NKAIN3: variants seen among roughly 807,000 people sequenced by gnomAD.
NKAIN3 encodes the protein sodium/potassium-transporting ATPase subunit beta-1-interacting protein 3.
In NKAIN3, 25 loss-of-function variants were observed where a neutral mutation model predicts 30.2. The observed-to-expected ratio is 0.83, with a 90% CI of 0.60 to 1.16. The LOEUF is 1.16. NKAIN3 is among the 50% of genes most tolerant of loss of function. NKAIN3 has a pLI of 0.00. For missense variants in NKAIN3, 225 were observed against 254.1 expected, an observed-to-expected ratio of 0.89 and a Z score of 0.78; for synonymous variants, 91 against 89.6, an observed-to-expected ratio of 1.02 and a Z score of -0.09.
intron 4 of NKAIN3, among the ~76,000 whole-genome samples, chr8:62,794,344 C>T (rs549815894): frequency 1.3e-5 from 2 of 152,120 alleles, no homozygotes; most frequent in South Asian, 4.1e-4. Context: ...CTTCCTATGT[C>T]GTGTATAAGT....
chr8:62,507,036 A>T (rs1270328771), intron 1 of NKAIN3, among the ~76,000 whole-genome samples: 1 of 152,198 alleles, frequency 6.6e-6, no homozygotes, highest in African/African-American at 2.4e-5. Flanking sequence ...GTTTATTGCT[A>T]ATGTAAAATG....
At position 62,982,291 on chromosome 8, in the gene NKAIN3, A is replaced by T. The variant is rs1476620095; in HGVS notation, c.*16884A>T. On this transcript the variant is annotated 3_prime_UTR_variant, in exon 7 of 7. Coordinates refer to ENST00000623646, the MANE Select transcript of NKAIN3 (RefSeq NM_001304533.3). ...AATTATTGACTTCTACTTAAATAAG[A>T]TCTTATTTTCATCTGCTGGAAAACT... 6.6e-6 allele frequency: 1 copy of T among 152,164 alleles called. No homozygotes were observed. Among genetic ancestry groups the T allele is most frequent in the African/African-American group, 2.4e-5 (1 of 41,432 alleles). The allele number at this position is 152,164 out of a possible 1,614,324, so 9.4% of individuals were successfully genotyped here.
At chr8:62,293,541 GC>G (rs1458942347) in intron 1 of NKAIN3, among the ~76,000 whole-genome samples, 11 of 152,178 alleles carry the variant, frequency 7.2e-5, no homozygotes, top group African/African-American at 2.7e-4. Flanking sequence ...AGCGGAGGCT[GC>G]AGAACAGCAA....
chr8:62,304,217 T>C (rs1385103891), intron 1 of NKAIN3, among the ~76,000 whole-genome samples: 4 of 150,522 alleles, frequency 2.7e-5, no homozygotes, highest in African/African-American at 1.0e-4. Flanking sequence ...GGAAGAGAAC[T>C]GGTGCAAGAA....
chr8:62,862,786 A>T (rs963421976), intron 4 of NKAIN3, among the ~76,000 whole-genome samples: 5 of 152,240 alleles, frequency 3.3e-5, no homozygotes, highest in African/African-American at 1.2e-4. Context: ...GAAAAAGATA[A>T]GAATATTCCA....
At chr8:62,278,947 T>C (rs962280549) in intron 1 of NKAIN3, among the ~76,000 whole-genome samples, 7 of 152,210 alleles carry the variant, frequency 4.6e-5, no homozygotes, top group Non-Finnish European at 7.3e-5. Flanking sequence ...CCTTAAGGAA[T>C]CACCACACTG....
chr8:62,253,921 T>C (rs1812187655), intron 1 of NKAIN3, among the ~76,000 whole-genome samples: 1 of 152,220 alleles, frequency 6.6e-6, no homozygotes, highest in African/African-American at 2.4e-5. Context: ...TCTTTTCTTC[T>C]CCTCTGCACT....
At chr8:62,561,443 T>A (rs535917046) in intron 1 of NKAIN3, among the ~76,000 whole-genome samples, 4 of 152,192 alleles carry the variant, frequency 2.6e-5, no homozygotes, top group Non-Finnish European at 5.9e-5. Flanking sequence ...TAAAAATCCA[T>A]GAATGAGGCA....
intron 1 of NKAIN3, among the ~76,000 whole-genome samples, chr8:62,255,570 A>T (rs1732411709): frequency 6.6e-6 from 1 of 152,198 alleles, no homozygotes; most frequent in Admixed American, 6.5e-5. Flanking sequence ...ACAGAAAGAG[A>T]GCTAGTCTGG....
intron 1 of NKAIN3, among the ~76,000 whole-genome samples, chr8:62,480,362 A>G (rs956705530): frequency 3.3e-5 from 5 of 152,148 alleles, no homozygotes; most frequent in Admixed American, 1.3e-4. Flanking sequence ...TCAGAACATC[A>G]TATTTTATAT....
At chr8:62,907,434 G>A (rs4737617) in intron 4 of NKAIN3, among the ~76,000 whole-genome samples, 103,320 of 152,164 alleles carry the variant, frequency 0.68, 36,023 homozygotes, top group East Asian at 0.9. Flanking sequence ...GCTGGCTGCA[G>A]AAATTTGTAT....
chr8:62,574,857 A>G (rs1810060138), intron 1 of NKAIN3, among the ~76,000 whole-genome samples: 1 of 152,070 alleles, frequency 6.6e-6, no homozygotes, highest in Admixed American at 6.6e-5. Context: ...TTCAAGAAGT[A>G]ACTCAAAAAC....
chr8:62,275,697 A>G (rs1012855248), intron 1 of NKAIN3, among the ~76,000 whole-genome samples: 5 of 152,244 alleles, frequency 3.3e-5, no homozygotes, highest in African/African-American at 1.2e-4. Context: ...GTTTAGTGCA[A>G]TGAATCACAT....
At chr8:62,557,380 C>T (rs979116330) in intron 1 of NKAIN3, among the ~76,000 whole-genome samples, 6 of 152,026 alleles carry the variant, frequency 3.9e-5, no homozygotes, top group African/African-American at 1.4e-4. Flanking sequence ...GTACAAGTAT[C>T]TTTTTCATAT....
chr8:62,629,737 C>A (rs772199336), intron 3 of NKAIN3, among the ~76,000 whole-genome samples: 2 of 152,010 alleles, frequency 1.3e-5, no homozygotes, highest in Admixed American at 1.3e-4. Context: ...CTATGATGAA[C>A]CCAGGAATTT....
chr8:62,883,702 T>C (rs1297717300), intron 4 of NKAIN3, among the ~76,000 whole-genome samples: 3 of 151,918 alleles, frequency 2.0e-5, no homozygotes, highest in Admixed American at 1.3e-4. Context: ...TTTGTAGATG[T>C]TTTTTGCCAA....
intron 5 of NKAIN3, among the ~76,000 whole-genome samples, chr8:62,946,443 G>A (rs932443734): frequency 6.6e-5 from 10 of 152,134 alleles, no homozygotes; most frequent in Admixed American, 4.6e-4. Context: ...TGACACTGCA[G>A]AGTAGCTCAT....
intron 3 of NKAIN3, among the ~76,000 whole-genome samples, chr8:62,632,830 G>C (rs985733502): frequency 6.6e-6 from 1 of 152,076 alleles, no homozygotes; most frequent in African/African-American, 2.4e-5. Context: ...GTTCCTGAAG[G>C]ATCATGCTTC....
rs1309496678 is a variant in NKAIN3 at position 62,978,988 on chromosome 8, C to G, written c.*13581C>G. ...GGAGGGAGTTCCCCAACCCCTTGCA[C>G]TTCCCAGGTGAGGCAATGCCCCACC... On this transcript the variant is annotated 3_prime_UTR_variant, in exon 7 of 7. Coordinates refer to ENST00000623646, the MANE Select transcript of NKAIN3 (RefSeq NM_001304533.3). 6.5e-6 allele frequency: 1 copy of G among 152,988 alleles called. No homozygotes were observed. The highest frequency in any genetic ancestry group is 1.5e-5 in the Non-Finnish European group (1 of 68,450). 9.5% of individuals were successfully genotyped at this position (152,988 alleles called of 1,614,324 possible).
Sources: gnomAD v4.1 joint callset for allele counts (sites outside exome capture counted in the v4.1 genomes callset) on GRCh38, gnomAD v4.1.1 for gene constraint, MANE v1.5 for transcripts, NCBI Gene and HGNC (gene_info 2026-07-23, HGNC 2026-07-21) for gene names.